Variants in MX1 observed in about 807,000 individuals in gnomAD.
MX1 encodes the protein interferon-induced GTP-binding protein Mx1.
Under a neutral mutation model 66.4 loss-of-function variants are expected in MX1, and 66 were observed. The ratio of observed to expected loss-of-function variants is 0.99; its 90% CI spans 0.82 to 1.22. The LOEUF is 1.22. Among genes scored for constraint, MX1 ranks in the 50% most tolerant of loss-of-function variants. The probability of loss-of-function intolerance (pLI) is 0.00; values close to 1 mark genes in which losing one functional copy is unlikely to be tolerated. For synonymous variants in MX1, 311 were observed against 318.1 expected (o/e 0.98, Z 0.24); for missense variants, 787 against 834.3 (o/e 0.94, Z 0.70).
intron 16 of MX1, among the ~76,000 whole-genome samples, chr21:41,455,859 T>C (rs2090946326): frequency 6.6e-6 from 1 of 152,270 alleles, no homozygotes; most frequent in African/African-American, 2.4e-5. Flanking sequence ...TTGTATATCA[T>C]GTATCTGGAA....
intron 1 of MX1, chr21:41,426,772 G>T (rs879259445): frequency 2.6e-5 from 4 of 152,300 alleles, no homozygotes; most frequent in Non-Finnish European, 5.9e-5. Context: ...AGTTCTCGCC[G>T]ATCCTGCTGA....
At chr21:41,434,102 C>T (rs1355694154) in intron 5 of MX1, among the ~76,000 whole-genome samples, 1 of 152,212 alleles carries the variant, frequency 6.6e-6, no homozygotes, top group African/African-American at 2.4e-5. Flanking sequence ...TGAATAGCTT[C>T]TTGTCCTGTT....
intron 1 of MX1, chr21:41,420,846 A>G (rs2089985558): frequency 6.6e-6 from 1 of 152,326 alleles, no homozygotes; most frequent in African/African-American, 2.4e-5. Context: ...CTGCCCGCCC[A>G]GGAGCCTGTG....
At chr21:41,450,653 A>C (rs536901984) in intron 14 of MX1, among the ~76,000 whole-genome samples, 1 of 152,330 alleles carries the variant, frequency 6.6e-6, no homozygotes, top group Admixed American at 6.5e-5. Context: ...AATGTATGAC[A>C]TGGAGATCAA....
intron 3 of MX1, chr21:41,428,668 T>C (rs1392473696): frequency 6.6e-6 from 1 of 152,272 alleles, no homozygotes; most frequent in Non-Finnish European, 1.5e-5. Context: ...TCTGGTGGCA[T>C]TGGGCCACAG....
intron 7 of MX1, among the ~76,000 whole-genome samples, chr21:41,438,466 G>A (rs1003373133): frequency 1.2e-4 from 18 of 152,172 alleles, no homozygotes; most frequent in Non-Finnish European, 2.1e-4. Context: ...TTCTGTCTGT[G>A]TGGTCTCTCA....
At chr21:41,434,888 G>A (rs2090317193) in intron 5 of MX1, among the ~76,000 whole-genome samples, 2 of 152,200 alleles carry the variant, frequency 1.3e-5, no homozygotes, top group South Asian at 4.1e-4. Context: ...TATAGATCCA[G>A]ATTTCCATTC....
chr21:41,432,199 T>C (rs759811730), intron 5 of MX1, 24 bp downstream of exon 5: 3 of 1,607,840 alleles, frequency 1.9e-6, no homozygotes, highest in South Asian at 1.1e-5. Context: ...TGAAAGTCGC[T>C]ATCCATGTGA....
chr21:41,449,320 G>A (rs769708809), intron 14 of MX1, 25 bp downstream of exon 14: 4 of 1,589,030 alleles, frequency 2.5e-6, no homozygotes, highest in Non-Finnish European at 3.4e-6. Context: ...TCACCTCTGA[G>A]CATTGATTTC....
At position 41,449,239 on chromosome 21, in the gene MX1, A is replaced by G; in HGVS notation, c.1376A>G (p.Lys459Arg). 6.2e-7 allele frequency: 1 copy of G among 1,614,058 alleles called. No individual in the cohort carries two copies. Among genetic ancestry groups the G allele is most frequent in the Non-Finnish European group, 8.5e-7 (1 of 1,180,000 alleles). Reference sequence around the variant, plus strand: ...TACAGGACATTTGAGACAATCGTGAAACAGCAAATCAAGGCACTGGAAGAG... The same window carrying G: ...TACAGGACATTTGAGACAATCGTGAGACAGCAAATCAAGGCACTGGAAGAG... ...VNYRTFETIV[K>R]QQIKALEEPA... Residue 459 changes from lysine (K) to arginine (R), a missense_variant, in exon 14 of 17, where the codon AAA becomes AGA. Coordinates refer to ENST00000398598, the MANE Select transcript of MX1 (RefSeq NM_002462.5).
chr21:41,422,456 G>A (rs1417972549), upstream of MX1, among the ~76,000 whole-genome samples: 1 of 152,200 alleles, frequency 6.6e-6, no homozygotes, highest in Admixed American at 6.5e-5. Flanking sequence ...CTTCAGGCAG[G>A]GGAGATGAAT....
At chr21:41,452,971 C>A in intron 16 of MX1, 102 bp downstream of exon 16, 3 of 1,405,420 alleles carry the variant, frequency 2.1e-6, no homozygotes, top group Non-Finnish European at 2.9e-6. Flanking sequence ...CGTTGGTCAG[C>A]TCTGTCGTTT....
chr21:41,445,897 C>CAA (rs1295010551), intron 12 of MX1, 103 bp from the exon 13 acceptor site: 12 of 1,434,296 alleles, frequency 8.4e-6, no homozygotes, highest in Non-Finnish European at 1.0e-5. Context: ...CATAAGAAAG[C>CAA]AAAGAATGAC....
chr21:41,458,494 C>T (rs2146395277), intron 16 of MX1, 34 bp from the exon 17 acceptor site: 3 of 1,612,596 alleles, frequency 1.9e-6, no homozygotes, highest in Non-Finnish European at 1.7e-6. Flanking sequence ...ACAGTGTCCC[C>T]TCCACCCTCC....
In MX1 at chr21:41,443,801, G is replaced by A; in HGVS notation, c.943G>A (p.Glu315Lys). ...GTTCTCTTCTAGGGATCTGCTGGAG[G>A]AAGGAAAGGCCACGGTTCCCTGCCT... ...NHPYFRDLLE[E>K]GKATVPCLAE... The change falls in exon 11 of 17, where the codon GAA (glutamate) becomes AAA (lysine). Residue 315 changes from glutamate to lysine, a missense_variant. Physicochemically the swap from Glu to Lys is moderately conservative, Grantham distance 56. Coordinates refer to ENST00000398598, the MANE Select transcript of MX1 (RefSeq NM_002462.5). The A allele has an allele frequency of 6.2e-7, 1 of 1,614,264 alleles. No homozygotes were observed. Among genetic ancestry groups the A allele is most frequent in the Non-Finnish European group, 8.5e-7 (1 of 1,180,038 alleles).
At chr21:41,438,223 G>A (rs1338724879) in intron 7 of MX1, among the ~76,000 whole-genome samples, 4 of 152,260 alleles carry the variant, frequency 2.6e-5, no homozygotes, top group Non-Finnish European at 5.9e-5. Context: ...GATAAATAAT[G>A]TTATTGACAA....
At chr21:41,437,194 A>T in intron 7 of MX1, 42 bp downstream of exon 7, 1 of 1,610,956 alleles carries the variant, frequency 6.2e-7, no homozygotes, top group Non-Finnish European at 8.5e-7. Context: ...GCCTTCTGAC[A>T]TGCATGGGGT....
At chr21:41,430,135 A>G (rs466866) in intron 3 of MX1, among the ~76,000 whole-genome samples, 98,537 of 151,814 alleles carry the variant, frequency 0.65, 34,214 homozygotes, top group East Asian at 0.99. Context: ...GAGAAATGGC[A>G]TTGGCTCAGG....
intron 15 of MX1, among the ~76,000 whole-genome samples, chr21:41,451,668 T>C (rs1192823212): frequency 6.8e-6 from 1 of 146,764 alleles, no homozygotes; most frequent in African/African-American, 2.5e-5. Flanking sequence ...ACCCCATCTC[T>C]ACTAAAAATA....
Sources: gnomAD v4.1 joint callset for allele counts (sites outside exome capture counted in the v4.1 genomes callset) on GRCh38, gnomAD v4.1.1 for gene constraint, MANE v1.5 for transcripts, NCBI Gene and HGNC (gene_info 2026-07-23, HGNC 2026-07-21) for gene names.